RFX4: variants seen among roughly 807,000 people sequenced by gnomAD.
RFX4 encodes transcription factor RFX4.
Under a neutral mutation model 95.0 loss-of-function variants are expected in RFX4, and 10 were observed. The observed-to-expected ratio is 0.11, with a 90% CI of 0.06 to 0.18. The LOEUF is 0.18. Among genes scored for constraint, RFX4 ranks in the 10% least tolerant of loss-of-function variants. RFX4 has a pLI of 1.00. For missense variants in RFX4, 640 were observed against 922.0 expected (o/e 0.69, Z 3.96); for synonymous variants, 321 against 340.7 (o/e 0.94, Z 0.64).
At chr12:106,649,554 A>T (rs540931806) in intron 3 of RFX4, among the ~76,000 whole-genome samples, 1 of 152,254 alleles carries the variant, frequency 6.6e-6, no homozygotes, top group South Asian at 2.1e-4. Flanking sequence ...ACTTACACCC[A>T]TCTGATTTGA....
intron 2 of RFX4, among the ~76,000 whole-genome samples, chr12:106,631,879 G>C (rs1339345215): frequency 6.6e-6 from 1 of 152,224 alleles, no homozygotes; most frequent in Admixed American, 6.5e-5. Flanking sequence ...CCCTGCTGCA[G>C]GGCTTGCCAA....
chr12:106,601,031 C>A, intron 1 of RFX4: 1 of 887,390 alleles, frequency 1.1e-6, no homozygotes, highest in Non-Finnish European at 1.5e-6. Context: ...GCCTGTCAAA[C>A]AGTAGGTTCT....
intron 2 of RFX4, among the ~76,000 whole-genome samples, chr12:106,619,873 C>G (rs1450612588): frequency 6.6e-6 from 1 of 151,998 alleles, no homozygotes; most frequent in Non-Finnish European, 1.5e-5. Context: ...TAAGCCCATC[C>G]AAGTGATCTT....
chr12:106,727,562 G>A (rs2042525912), intron 13 of RFX4, among the ~76,000 whole-genome samples: 1 of 150,936 alleles, frequency 6.6e-6, no homozygotes, highest in East Asian at 1.9e-4. Flanking sequence ...ATGATTGCTG[G>A]CAAAAGAGAA....
chr12:106,645,503 GA>G (rs1565962466), intron 3 of RFX4, among the ~76,000 whole-genome samples: 1 of 151,906 alleles, frequency 6.6e-6, no homozygotes. Context: ...TTTCGGGGGG[GA>G]TTGGGGGGAG....
At chr12:106,673,381 C>G (rs577474438) in intron 4 of RFX4, among the ~76,000 whole-genome samples, 1 of 152,336 alleles carries the variant, frequency 6.6e-6, no homozygotes, top group African/African-American at 2.4e-5. Context: ...TGTCCCACTT[C>G]CGGCTGGTGA....
intron 8 of RFX4, among the ~76,000 whole-genome samples, chr12:106,700,136 G>C (rs1197459069): frequency 6.6e-6 from 1 of 151,924 alleles, no homozygotes; most frequent in Admixed American, 6.6e-5. Flanking sequence ...GGCTCAAGCA[G>C]TCCTCCCACC....
At chr12:106,666,797 T>C (rs998237404) in intron 4 of RFX4, among the ~76,000 whole-genome samples, 2 of 152,236 alleles carry the variant, frequency 1.3e-5, no homozygotes, top group Admixed American at 6.5e-5. Context: ...ACATGGTCCA[T>C]CTGTTCTTGC....
intron 2 of RFX4, among the ~76,000 whole-genome samples, chr12:106,624,108 T>C (rs1193104527): frequency 1.3e-5 from 2 of 152,174 alleles, no homozygotes; most frequent in Non-Finnish European, 2.9e-5. Flanking sequence ...TGTCTCTCTT[T>C]TATCAGAAAA....
chr12:106,697,681 T>C (rs2041907383), intron 8 of RFX4, among the ~76,000 whole-genome samples: 1 of 152,150 alleles, frequency 6.6e-6, no homozygotes, highest in Non-Finnish European at 1.5e-5. Context: ...TTGGTGTTTC[T>C]TGGCTTGCAG....
chr12:106,734,174 G>A (rs67174942), intron 15 of RFX4, among the ~76,000 whole-genome samples: 30,425 of 152,148 alleles, frequency 0.2, 3,427 homozygotes, highest in South Asian at 0.28. Flanking sequence ...GGAGGGAAGG[G>A]AAATGAGGAG....
At chr12:106,687,152 T>G in intron 6 of RFX4, 55 bp downstream of exon 6, 3 of 1,299,212 alleles carry the variant, frequency 2.3e-6, no homozygotes, top group Middle Eastern at 2.6e-4. Flanking sequence ...TCTTTCTCTC[T>G]CTCTCTCTGT....
intron 11 of RFX4, 76 bp from the exon 12 acceptor site, chr12:106,719,884 C>G: frequency 8.7e-7 from 1 of 1,143,776 alleles, no homozygotes; most frequent in Admixed American, 1.8e-5. Flanking sequence ...AAGTTTTGTT[C>G]CTCTGTTCTT....
At chr12:106,667,235 G>C (rs78092650) in intron 4 of RFX4, among the ~76,000 whole-genome samples, 3,472 of 152,122 alleles carry the variant, frequency 0.023, 136 homozygotes, top group African/African-American at 0.079. Context: ...CTGGTGTTGG[G>C]TTATTTCCCT....
chr12:106,706,828 T>C (rs1219701962), intron 8 of RFX4, among the ~76,000 whole-genome samples: 1 of 152,238 alleles, frequency 6.6e-6, no homozygotes, highest in East Asian at 1.9e-4. Flanking sequence ...TAAACATCTT[T>C]GGGAGAAATA....
chr12:106,674,143 T>C (rs966861585), intron 4 of RFX4, among the ~76,000 whole-genome samples: 3 of 152,192 alleles, frequency 2.0e-5, no homozygotes, highest in African/African-American at 7.2e-5. Flanking sequence ...GGCCTCCTCA[T>C]TCTTCCTGAA....
intron 3 of RFX4, among the ~76,000 whole-genome samples, chr12:106,642,441 C>A (rs938082573): frequency 8.6e-5 from 13 of 151,886 alleles, no homozygotes; most frequent in Non-Finnish European, 1.2e-4. Flanking sequence ...TATAGTGAGA[C>A]CCTGTCTCTG....
At position 106,614,128 on chromosome 12, in the gene RFX4, A is replaced by C. The variant is rs147655786; in HGVS notation, c.130+5245A>C. 4.4e-3 allele frequency among the ~76,000 whole-genome samples: 665 copies of C among 151,772 alleles called. 2 individuals carry two copies. The highest frequency in any genetic ancestry group is 6.8e-3 in the Non-Finnish European group (463 of 67,942). On this transcript the variant is annotated intron_variant, in intron 2 of 17. Transcript: ENST00000392842. ...GACTGTAGCATCTTATTATATGCTC[A>C]TTAGACATTTGTATCTTTTGTGAAT...
intron 4 of RFX4, among the ~76,000 whole-genome samples, chr12:106,656,790 T>C (rs1033565094): frequency 1.3e-5 from 2 of 152,150 alleles, no homozygotes; most frequent in African/African-American, 4.8e-5. Context: ...TAGAGGTACC[T>C]CACTCACCCC....
Sources: gnomAD v4.1 joint callset for allele counts (sites outside exome capture counted in the v4.1 genomes callset) on GRCh38, gnomAD v4.1.1 for gene constraint, MANE v1.5 for transcripts, NCBI Gene and HGNC (gene_info 2026-07-23, HGNC 2026-07-21) for gene names.